The following CHCHD3 variants were observed in gnomAD, a reference collection of about 807,000 sequenced individuals.
The protein encoded by CHCHD3 is coiled-coil-helix-coiled-coil-helix domain containing 3, also known as MICOS complex subunit MIC19.
Under a neutral mutation model 38.2 loss-of-function variants are expected in CHCHD3, and 20 were observed. That is an observed-to-expected ratio of 0.52 (90% CI 0.37 to 0.76). The LOEUF (loss-of-function observed/expected upper bound fraction) is 0.76. Ranked by LOEUF, CHCHD3 falls within the 30% of genes least tolerant of loss-of-function variation. CHCHD3 has a pLI of 0.00. For missense variants in CHCHD3, 245 were observed against 279.2 expected (o/e 0.88, Z 0.87); for synonymous variants, 82 against 100.0 (o/e 0.82, Z 1.07).
chr7:132,799,031 G>A (rs1806697379), intron 6 of CHCHD3, among the ~76,000 whole-genome samples: 1 of 151,646 alleles, frequency 6.6e-6, no homozygotes, highest in Non-Finnish European at 1.5e-5. Flanking sequence ...GTGTGTGTGT[G>A]TGTGTGTGTG....
At chr7:132,916,737 A>G (rs1226288645) in intron 4 of CHCHD3, among the ~76,000 whole-genome samples, 1 of 152,100 alleles carries the variant, frequency 6.6e-6, no homozygotes, top group Non-Finnish European at 1.5e-5. Context: ...GTGCACCATC[A>G]TGCCCAGCTA....
At chr7:132,998,340 C>A (rs984814267) in intron 3 of CHCHD3, among the ~76,000 whole-genome samples, 1 of 152,086 alleles carries the variant, frequency 6.6e-6, no homozygotes, top group Admixed American at 6.6e-5. Flanking sequence ...GGATTTGATG[C>A]AGAAGAAAAA....
At chr7:132,885,862 T>A (rs1261012450) in intron 4 of CHCHD3, 117 bp from the exon 5 acceptor site, 1 of 610,136 alleles carries the variant, frequency 1.6e-6, no homozygotes, top group East Asian at 3.1e-5. Flanking sequence ...TTGCAATCTA[T>A]TAGGTCTCTG....
chr7:133,056,317 G>A (rs576674751), intron 2 of CHCHD3, among the ~76,000 whole-genome samples: 1 of 152,156 alleles, frequency 6.6e-6, no homozygotes, highest in East Asian at 1.9e-4. Context: ...AGCCCTTTAT[G>A]ACTGTAACCA....
intron 5 of CHCHD3, chr7:132,849,494 A>G (rs993632282): frequency 6.6e-6 from 1 of 152,180 alleles, no homozygotes; most frequent in Non-Finnish European, 1.5e-5. Context: ...CATCAATAAT[A>G]AATAACCAAG....
In CHCHD3 at chr7:132,861,046, C is replaced by T. The variant is rs139729266; in HGVS notation, c.454-22577G>A. Among the ~76,000 whole-genome samples, 456 of 152,236 alleles carry T rather than the reference C, an allele frequency of 3.0e-3. 1 individual carries two copies. Among genetic ancestry groups the T allele is most frequent in the African/African-American group, 0.011 (437 of 41,536 alleles). On this transcript the variant is annotated intron_variant, in intron 5 of 7. Transcript: ENST00000262570. ...AGAGTTCAGCTAAGAGAGATGGAGG[C>T]TTGGTTTATGGTGGTAATAGACTTA...
At chr7:132,924,675 G>T (rs1810335859) in intron 4 of CHCHD3, among the ~76,000 whole-genome samples, 1 of 152,180 alleles carries the variant, frequency 6.6e-6, no homozygotes, top group Admixed American at 6.5e-5. Flanking sequence ...CTTAGATAGA[G>T]ATCTTTAAAG....
chr7:132,907,648 G>A (rs888574735), intron 4 of CHCHD3, among the ~76,000 whole-genome samples: 1 of 152,196 alleles, frequency 6.6e-6, no homozygotes, highest in East Asian at 1.9e-4. Flanking sequence ...AAGAGGTCTG[G>A]ACTTCATCCT....
In CHCHD3 at chr7:132,818,682, A is replaced by C. The variant is rs139382306; in HGVS notation, c.524+19717T>G. On this transcript the variant is annotated intron_variant, in intron 6 of 7. Transcript: ENST00000262570. ...TAAATCTGTCTACATGAACAGAAGC[A>C]AAAAAAACAGTCCTTAAAAATAGCA... 2.9e-3 allele frequency among the ~76,000 whole-genome samples: 440 copies of C among 151,118 alleles called. 1 individual carries two copies. Among genetic ancestry groups the C allele is most frequent in the African/African-American group, 0.01 (421 of 40,576 alleles).
chr7:132,824,905 ACT>A (rs554902626), intron 6 of CHCHD3, among the ~76,000 whole-genome samples: 3 of 152,150 alleles, frequency 2.0e-5, no homozygotes, highest in South Asian at 2.1e-4. Flanking sequence ...TCCTAGTCCT[ACT>A]GCATTTTATG....
chr7:132,882,358 T>C (rs1465461043), intron 5 of CHCHD3, among the ~76,000 whole-genome samples: 1 of 152,064 alleles, frequency 6.6e-6, no homozygotes, highest in African/African-American at 2.4e-5. Flanking sequence ...AGTGTATATA[T>C]TCCACCTTAG....
At chr7:133,034,135 T>C (rs995164001) in intron 2 of CHCHD3, among the ~76,000 whole-genome samples, 2 of 152,218 alleles carry the variant, frequency 1.3e-5, no homozygotes, top group African/African-American at 2.4e-5. Flanking sequence ...CTACACAGGA[T>C]AGCGCTTGAC....
At chr7:133,056,497 T>C (rs961813024) in intron 2 of CHCHD3, among the ~76,000 whole-genome samples, 1 of 152,184 alleles carries the variant, frequency 6.6e-6, no homozygotes, top group Non-Finnish European at 1.5e-5. Context: ...GACCGCCCTA[T>C]GCAGAGTTAG....
chr7:132,979,016 C>G (rs1811846128), intron 3 of CHCHD3, among the ~76,000 whole-genome samples: 1 of 152,128 alleles, frequency 6.6e-6, no homozygotes, highest in African/African-American at 2.4e-5. Flanking sequence ...GGCAGTAGGA[C>G]TCTGAACAAA....
In CHCHD3 at chr7:133,059,181, G is replaced by A. The variant is rs559872990; in HGVS notation, c.169+10961C>T. On this transcript the variant is annotated intron_variant, in intron 2 of 7. Transcript: ENST00000262570. ...CAAGTGAGAAGCTGAGATCAGACAC[G>A]AGAAAAGCCACACAGGAGAAGATAG... 3.3e-5 allele frequency among the ~76,000 whole-genome samples: 5 copies of A among 152,296 alleles called. No individual in the cohort carries two copies. In the East Asian group the frequency reaches 9.6e-4, roughly 29 times the overall value.
chr7:133,005,821 A>T (rs1451231856), intron 3 of CHCHD3, among the ~76,000 whole-genome samples: 1 of 152,230 alleles, frequency 6.6e-6, no homozygotes, highest in Non-Finnish European at 1.5e-5. Context: ...ACAATTATAC[A>T]TTTATAGATA....
At chr7:132,797,394 C>T (rs111362128) in intron 6 of CHCHD3, among the ~76,000 whole-genome samples, 29 of 152,320 alleles carry the variant, frequency 1.9e-4, no homozygotes, top group South Asian at 1.5e-3. Flanking sequence ...TCTCCACCCC[C>T]CAACCCTGGT....
intron 6 of CHCHD3, among the ~76,000 whole-genome samples, chr7:132,813,868 A>G (rs1475166793): frequency 1.3e-5 from 2 of 152,230 alleles, no homozygotes; most frequent in African/African-American, 4.8e-5. Context: ...CGCCTCCAGC[A>G]TGGGGTACAT....
chr7:132,923,379 C>A (rs144551524), intron 4 of CHCHD3, among the ~76,000 whole-genome samples: 1 of 152,034 alleles, frequency 6.6e-6, no homozygotes, highest in Non-Finnish European at 1.5e-5. Flanking sequence ...ACTTCAAACT[C>A]GCCTTTCCAT....
Sources: allele counts gnomAD v4.1 joint callset (sites outside exome capture counted in the v4.1 genomes callset), GRCh38; gene constraint gnomAD v4.1.1; transcripts MANE v1.5; gene names NCBI Gene and HGNC (gene_info 2026-07-23, HGNC 2026-07-21).